The following PSMD13 variants were observed in gnomAD, a reference collection of about 807,000 sequenced individuals.
The protein encoded by PSMD13 is proteasome 26S subunit, non-ATPase 13, also known as 26S proteasome non-ATPase regulatory subunit 13.
A neutral mutation model predicts 57.4 loss-of-function variants in PSMD13; 8 were observed. The ratio of observed to expected loss-of-function variants is 0.14; its 90% confidence interval spans 0.08 to 0.25. PSMD13 has a LOEUF of 0.25. Ranked by LOEUF, PSMD13 falls within the 10% of genes least tolerant of loss-of-function variation. PSMD13 has a pLI of 1.00. For synonymous variants in PSMD13, 193 were observed against 168.2 expected, an observed-to-expected ratio of 1.15 and a Z score of -1.14; for missense variants, 400 against 461.5, an observed-to-expected ratio of 0.87 and a Z score of 1.22.
chr11:238,237 G>A (rs918554919), intron 1 of PSMD13, among the ~76,000 whole-genome samples: 4 of 152,198 alleles, frequency 2.6e-5, no homozygotes, highest in South Asian at 2.1e-4. Context: ...TCAGCTAATA[G>A]GTAGAAGAGC....
Position 244,086 on chromosome 11 carries a change from C to G in PSMD13, c.209+11C>G. The G allele has an allele frequency of 6.2e-7, 1 of 1,609,410 alleles. No homozygotes were observed. Among genetic ancestry groups the G allele is most frequent in the Non-Finnish European group, 8.5e-7 (1 of 1,177,388 alleles). On this transcript the variant is annotated intron_variant, in intron 3 of 12. Transcript: ENST00000532097. ...TGAATTTGAACACAGGTAAAAGCCT[C>G]TCATCCGTTTTTCACTTTGAAAATG...
In PSMD13 at chr11:252,626, C is replaced by T. The variant is rs781609680; in HGVS notation, c.*26C>T. Reference sequence around the variant, plus strand: ...GGCCCCCTGGTTCCCCGTCGTGTCTCCTTTGACTCACCTGAGAGAGGCGTT... The same window carrying T: ...GGCCCCCTGGTTCCCCGTCGTGTCTTCTTTGACTCACCTGAGAGAGGCGTT... On this transcript the variant is annotated 3_prime_UTR_variant, in exon 13 of 13. Transcript: ENST00000532097. This position sits in a 1 kb window ranked among gnomAD's most constrained non-coding sequence, Gnocchi z 4.1. 1.7e-5 allele frequency: 28 copies of T among 1,606,888 alleles called. No homozygotes were observed. The highest frequency in any genetic ancestry group is 2.2e-5 in the Non-Finnish European group (26 of 1,173,854).
At chr11:250,235 C>A (rs982980675) in intron 9 of PSMD13, among the ~76,000 whole-genome samples, 16 of 152,166 alleles carry the variant, frequency 1.1e-4, no homozygotes, top group Admixed American at 9.2e-4. Flanking sequence ...ATTCTGTGCT[C>A]ACAGGTAACG....
In PSMD13 at chr11:237,137, A is replaced by G. The variant is rs755665831; in HGVS notation, c.88A>G (p.Thr30Ala). 6.2e-7 allele frequency: 1 copy of G among 1,612,262 alleles called. No homozygotes were observed. The highest frequency in any genetic ancestry group is 1.1e-5 in the South Asian group (1 of 90,978). The stretch of plus-strand genomic sequence containing the variant: ...GTGGCACCGTCTGGAGGAGCTCTAC[A>G]CGAAGAAGTGAGCGCCGAGCAGACG... The part of the protein sequence containing the change: ...AVWHRLEELY[T>A]KKLWHQLTLQ... Residue 30 changes from threonine to alanine, a missense_variant, in exon 1 of 13, where the codon ACG becomes GCG. Physicochemically the swap from Thr to Ala is moderately conservative, Grantham distance 58 (BLOSUM62 0). Coordinates refer to ENST00000532097, the MANE Select transcript of PSMD13 (RefSeq NM_002817.4).
In PSMD13 at chr11:244,414, C is replaced by T. The variant is rs2272565; in HGVS notation, c.266-12C>T. 0.76 allele frequency: 1,227,941 copies of T among 1,606,420 alleles called. 470,668 individuals are homozygous for T. Among genetic ancestry groups the T allele is most frequent in the African/African-American group, 0.89 (66,193 of 74,738 alleles). On this transcript the variant is annotated splice_polypyrimidine_tract_variant and intron_variant, in intron 4 of 12. Transcript: ENST00000532097. ...CTGTTGATGGTCCTTCTGATTGTTC[C>T]TTCTTTTCCAGATCCTAATGTGGCT...
At chr11:241,079 G>A (rs974971429) in intron 2 of PSMD13, among the ~76,000 whole-genome samples, 7 of 151,990 alleles carry the variant, frequency 4.6e-5, no homozygotes, top group East Asian at 1.9e-4. Context: ...CGATCCACCC[G>A]CCTTGGCCTC....
At chr11:241,769 G>A (rs1346644592) in intron 2 of PSMD13, among the ~76,000 whole-genome samples, 1 of 152,148 alleles carries the variant, frequency 6.6e-6, no homozygotes, top group Non-Finnish European at 1.5e-5. Flanking sequence ...GTCTTGGCCA[G>A]TACTAGCCTC....
intron 2 of PSMD13, among the ~76,000 whole-genome samples, chr11:241,668 C>A (rs749059397): frequency 3.9e-5 from 6 of 152,076 alleles, no homozygotes; most frequent in Non-Finnish European, 7.4e-5. Context: ...TCTCTGTGAC[C>A]GGCCCACATC....
chr11:240,576 A>G (rs981192164), intron 2 of PSMD13, among the ~76,000 whole-genome samples: 5 of 152,232 alleles, frequency 3.3e-5, no homozygotes, highest in Non-Finnish European at 7.3e-5. Context: ...TTAGGTTGGC[A>G]GATCTGAGTT....
rs1350279309 is a variant in PSMD13, at chr11:247,395, A to G, written c.515A>G (p.Tyr172Cys). The G allele has an allele frequency of 6.2e-7, 1 of 1,614,180 alleles. No individual in the cohort carries two copies. The highest frequency in any genetic ancestry group is 8.5e-7 in the Non-Finnish European group (1 of 1,180,026). ...CAAACAATCGGAAACCACGCGTCCT[A>G]CTACAAAGATGCTCTGCGGTTTTTG... ...YYQTIGNHAS[Y>C]YKDALRFLGC... Residue 172 changes from tyrosine to cysteine, a missense_variant, in exon 7 of 13, where the codon TAC becomes TGC. By Grantham distance (194) the Tyr-to-Cys change is radical. Transcript: ENST00000532097.
chr11:245,944 C>T (rs1379584609), intron 6 of PSMD13, among the ~76,000 whole-genome samples: 1 of 152,062 alleles, frequency 6.6e-6, no homozygotes, highest in Admixed American at 6.6e-5. Flanking sequence ...TCCATGTGCC[C>T]CAACCAGCTT....
chr11:239,041 G>T lies in PSMD13; in HGVS notation c.139G>T (p.Asp47Tyr). The T allele has an allele frequency of 1.2e-6, 2 of 1,614,132 alleles. No homozygotes were observed. Among genetic ancestry groups the T allele is most frequent in the Non-Finnish European group, 1.7e-6 (2 of 1,180,008 alleles). ...LTLQVLDFVQDPCFAQGDGLI... is the reference protein window; with the variant it reads ...LTLQVLDFVQYPCFAQGDGLI... Reference sequence around the variant, plus strand: ...ACTTCAGGTGCTTGATTTTGTGCAGGATCCGTGCTTTGCCCAAGGAGATGG... The same window carrying T: ...ACTTCAGGTGCTTGATTTTGTGCAGTATCCGTGCTTTGCCCAAGGAGATGG... The change falls in exon 2 of 13, where the codon GAT (aspartate) becomes TAT (tyrosine). Residue 47 changes from aspartate to tyrosine, a missense_variant. By Grantham distance (160) the Asp-to-Tyr change is radical. Transcript: ENST00000532097.
chr11:244,695 A>G lies in PSMD13; in HGVS notation c.330A>G (p.Ala110=). 1 of 1,613,818 alleles carries G rather than the reference A, an allele frequency of 6.2e-7. No homozygotes were observed. Among genetic ancestry groups the G allele is most frequent in the Non-Finnish European group, 8.5e-7 (1 of 1,179,934 alleles). ...CTTAGGTGAAAAGTAGTGATGAGGC[A>G]GTGATCCTGTGTAAAACAGCAATTG... ...TREKVKSSDE[A]VILCKTAIGA... is the part of the protein sequence containing the mutation. Residue 110 remains alanine, a synonymous_variant, in exon 6 of 13, where the codon GCA becomes GCG. Transcript: ENST00000532097.
rs1034936597 is a variant in PSMD13 at position 244,723 on chromosome 11, G to T, written c.358G>T (p.Ala120Ser). The T allele has an allele frequency of 6.2e-7, 1 of 1,613,828 alleles. No homozygotes were observed. Among genetic ancestry groups the T allele is most frequent in the East Asian group, 2.2e-5 (1 of 44,872 alleles). Reference sequence around the variant, plus strand: ...GATCCTGTGTAAAACAGCAATTGGAGCTCTAAAATTAAACATCGGGGACCT... The same window carrying T: ...GATCCTGTGTAAAACAGCAATTGGATCTCTAAAATTAAACATCGGGGACCT... ...AVILCKTAIG[A>S]LKLNIGDLQV... Residue 120 changes from alanine (A) to serine (S), a missense_variant, in exon 6 of 13, where the codon GCT (alanine) becomes TCT (serine). Coordinates refer to ENST00000532097, the MANE Select transcript of PSMD13 (RefSeq NM_002817.4).
At chr11:247,493 C>T in intron 7 of PSMD13, 45 bp downstream of exon 7, 1 of 1,583,394 alleles carries the variant, frequency 6.3e-7, no homozygotes, top group Non-Finnish European at 8.6e-7. Flanking sequence ...GCATATTCTC[C>T]AAACTTAGCA....
chr11:248,729 CTG>C (rs956871676), intron 7 of PSMD13, 45 bp from the exon 8 acceptor site: 7 of 1,555,508 alleles, frequency 4.5e-6, no homozygotes, highest in Non-Finnish European at 8.9e-7. Flanking sequence ...CTAAACAGGA[CTG>C]ATTATTATGA....
chr11:248,898 A>G, intron 8 of PSMD13, 34 bp from the exon 9 acceptor site: 2 of 1,614,122 alleles, frequency 1.2e-6, no homozygotes, highest in Non-Finnish European at 1.7e-6. Context: ...AGAGAGACTA[A>G]AGTGTTACTA....
chr11:245,236 C>T (rs1859605930), intron 6 of PSMD13, among the ~76,000 whole-genome samples: 1 of 152,340 alleles, frequency 6.6e-6, no homozygotes, highest in Non-Finnish European at 1.5e-5. Flanking sequence ...AGCCGCTGCG[C>T]CCAGCCCCCC....
chr11:252,514 A>G lies in PSMD13; in HGVS notation c.1045A>G (p.Met349Val). 1 of 1,614,022 alleles carries G rather than the reference A, an allele frequency of 6.2e-7. No individual in the cohort carries two copies. ...RVLDLQQIKG[M>V]KDRLEFWCTD... ...CGGATTTCCATTTCAGATCAAGGGA[A>G]TGAAGGACCGCCTGGAGTTCTGGTG... The change falls in exon 13 of 13, where the codon ATG becomes GTG. Residue 349 changes from methionine (M) to valine (V), a missense_variant. By Grantham distance (21) the Met-to-Val change is conservative. Transcript: ENST00000532097. This position sits in a 1 kb window ranked among gnomAD's most constrained non-coding sequence, Gnocchi z 4.1.
Sources: gnomAD v4.1 joint callset for allele counts (sites outside exome capture counted in the v4.1 genomes callset) on GRCh38, gnomAD v4.1.1 for gene constraint, Gnocchi (gnomAD v3.1) non-coding constraint, MANE v1.5 for transcripts, NCBI Gene and HGNC (gene_info 2026-07-23, HGNC 2026-07-21) for gene names.